Variants in ZMAT4 observed in about 807,000 individuals in gnomAD.
The protein encoded by ZMAT4 is zinc finger matrin-type 4, also known as zinc finger matrin-type protein 4.
A neutral mutation model predicts 28.7 loss-of-function variants in ZMAT4; 17 were observed. The ratio of observed to expected loss-of-function variants is 0.59; its 90% confidence interval spans 0.41 to 0.89. The LOEUF is 0.89. ZMAT4 is among the 40% of genes least tolerant of loss of function. The pLI is 0.00. For synonymous variants in ZMAT4, 117 were observed against 109.2 expected (o/e 1.07, Z -0.44); for missense variants, 240 against 283.8 (o/e 0.85, Z 1.11).
chr8:40,677,774 G>A (rs1381138354), intron 4 of ZMAT4, among the ~76,000 whole-genome samples: 1 of 152,122 alleles, frequency 6.6e-6, no homozygotes, highest in African/African-American at 2.4e-5. Flanking sequence ...TTAAAAACAT[G>A]CTTTAAAAAA....
chr8:40,635,121 CT>C (rs1806743675), intron 5 of ZMAT4, among the ~76,000 whole-genome samples: 1 of 152,146 alleles, frequency 6.6e-6, no homozygotes, highest in African/African-American at 2.4e-5. Flanking sequence ...CCAAAAAAAT[CT>C]GGTAAACAAC....
intron 3 of ZMAT4, among the ~76,000 whole-genome samples, chr8:40,731,870 T>C (rs1811557912): frequency 2.0e-5 from 3 of 152,212 alleles, no homozygotes; most frequent in South Asian, 2.1e-4. Context: ...TGTATACATA[T>C]AATGGAATAG....
intron 3 of ZMAT4, among the ~76,000 whole-genome samples, chr8:40,762,050 G>A (rs780435555): frequency 6.6e-5 from 10 of 152,158 alleles, no homozygotes; most frequent in South Asian, 2.1e-4. Flanking sequence ...GTTGGTAAAC[G>A]CATCTGTCTT....
intron 5 of ZMAT4, among the ~76,000 whole-genome samples, chr8:40,651,721 T>C (rs1309733702): frequency 6.6e-6 from 1 of 151,938 alleles, no homozygotes; most frequent in African/African-American, 2.4e-5. Context: ...TTGGTACTGG[T>C]ACCAAAACAG....
chr8:40,732,801 G>A (rs1811596428), intron 3 of ZMAT4, among the ~76,000 whole-genome samples: 2 of 148,816 alleles, frequency 1.3e-5, no homozygotes, highest in Admixed American at 1.3e-4. Context: ...GGGAACCAGG[G>A]ACATCTGGCA....
chr8:40,543,424 C>G (rs551316951), intron 6 of ZMAT4, among the ~76,000 whole-genome samples: 6 of 152,322 alleles, frequency 3.9e-5, no homozygotes, highest in South Asian at 4.1e-4. Context: ...GTTGTAGAAA[C>G]AGTTCAGCCA....
intron 5 of ZMAT4, among the ~76,000 whole-genome samples, chr8:40,608,481 A>G (rs926950844): frequency 6.6e-6 from 1 of 152,180 alleles, no homozygotes; most frequent in African/African-American, 2.4e-5. Flanking sequence ...GCTGAGAATA[A>G]GTCCCATGCT....
chr8:40,706,166 C>T (rs1483188841), intron 3 of ZMAT4, among the ~76,000 whole-genome samples: 1 of 152,168 alleles, frequency 6.6e-6, no homozygotes, highest in Admixed American at 6.5e-5. Flanking sequence ...GATTCTCCTG[C>T]CTCAGACTCC....
intron 2 of ZMAT4, among the ~76,000 whole-genome samples, chr8:40,787,822 G>T (rs529326243): frequency 6.6e-6 from 1 of 152,274 alleles, no homozygotes; most frequent in East Asian, 1.9e-4. Context: ...TTCATGTGCT[G>T]CTCAGGAAAG....
chr8:40,699,378 G>A (rs1810032024), intron 3 of ZMAT4, among the ~76,000 whole-genome samples: 5 of 152,148 alleles, frequency 3.3e-5, no homozygotes, highest in South Asian at 4.2e-4. Context: ...ATTGCAGAAC[G>A]GTGAAGTCTG....
chr8:40,720,002 C>G (rs1811012243), intron 3 of ZMAT4, among the ~76,000 whole-genome samples: 1 of 152,206 alleles, frequency 6.6e-6, no homozygotes, highest in African/African-American at 2.4e-5. Flanking sequence ...TTCCACCATG[C>G]CCTCTGCAGT....
intron 1 of ZMAT4, among the ~76,000 whole-genome samples, chr8:40,872,556 T>G (rs1586200330): frequency 6.6e-6 from 1 of 151,326 alleles, no homozygotes; most frequent in African/African-American, 2.4e-5. Context: ...CTGTTGGGGG[T>G]AAGGGGTGGG....
intron 1 of ZMAT4, among the ~76,000 whole-genome samples, chr8:40,872,460 A>G (rs1817895057): frequency 6.6e-6 from 1 of 152,142 alleles, no homozygotes; most frequent in Non-Finnish European, 1.5e-5. Context: ...GGAGAAGGAG[A>G]GTAAACAAGC....
intron 5 of ZMAT4, among the ~76,000 whole-genome samples, chr8:40,588,244 C>G (rs1804734503): frequency 6.6e-6 from 1 of 151,660 alleles, no homozygotes; most frequent in Admixed American, 6.6e-5. Context: ...TCTTAGGAAA[C>G]AAAAAGTATT....
chr8:40,618,654 C>G (rs1184499939), intron 5 of ZMAT4, among the ~76,000 whole-genome samples: 2 of 121,058 alleles, frequency 1.7e-5, no homozygotes, highest in Non-Finnish European at 3.8e-5. Flanking sequence ...GTTTTTCTAC[C>G]ACTAGAAAAA....
At chr8:40,848,446 G>A (rs919450307) in intron 1 of ZMAT4, among the ~76,000 whole-genome samples, 14 of 152,186 alleles carry the variant, frequency 9.2e-5, no homozygotes, top group Non-Finnish European at 1.9e-4. Flanking sequence ...TTGTTTGGAA[G>A]AATCTGAACC....
intron 3 of ZMAT4, among the ~76,000 whole-genome samples, chr8:40,765,709 C>A (rs1004200216): frequency 6.6e-6 from 1 of 152,168 alleles, no homozygotes; most frequent in African/African-American, 2.4e-5. Flanking sequence ...TGCACCTGAC[C>A]AGAGTGGCAA....
intron 3 of ZMAT4, among the ~76,000 whole-genome samples, chr8:40,726,913 A>G (rs544185980): frequency 1.9e-3 from 288 of 152,304 alleles, no homozygotes; most frequent in African/African-American, 6.6e-3. Context: ...AAGGTCTCAC[A>G]TCCTCTAGTT....
Position 40,555,518 on chromosome 8 carries a change from A to G in ZMAT4, c.675-23280T>C, listed in dbSNP as rs574196103. Among the ~76,000 whole-genome samples the G allele has an allele frequency of 7.9e-5, 12 of 152,308 alleles. No individual in the cohort carries two copies. The East Asian group carries it at 9.6e-4, about 12-fold the overall frequency. On this transcript the variant is annotated intron_variant, in intron 6 of 6. Transcript: ENST00000297737. ...CCTCAGATTTGTGATAATGATCTTC[A>G]ATTCTCATAGTCCCATGAAACAGGA...
Sources: gnomAD v4.1 joint callset for allele counts (sites outside exome capture counted in the v4.1 genomes callset) on GRCh38, gnomAD v4.1.1 for gene constraint, MANE v1.5 for transcripts, NCBI Gene and HGNC (gene_info 2026-07-23, HGNC 2026-07-21) for gene names.